ESRRG: variants seen among roughly 807,000 people sequenced by gnomAD.
ESRRG encodes the protein estrogen related receptor gamma, also known as estrogen-related receptor gamma.
Under a neutral mutation model 44.0 loss-of-function variants are expected in ESRRG, and 13 were observed. The ratio of observed to expected loss-of-function variants is 0.30; its 90% CI spans 0.19 to 0.47. ESRRG has a LOEUF of 0.47. ESRRG is among the 20% of genes least tolerant of loss of function. ESRRG has a pLI of 1.00. For synonymous variants in ESRRG, 215 were observed against 214.6 expected, an observed-to-expected ratio of 1.00 and a Z score of -0.02; for missense variants, 395 against 580.6, an observed-to-expected ratio of 0.68 and a Z score of 3.29.
At chr1:217,058,334 G>A (rs549932260) in intron 1 of ESRRG, among the ~76,000 whole-genome samples, 45 of 152,188 alleles carry the variant, frequency 3.0e-4, no homozygotes, top group African/African-American at 1.0e-3. Context: ...AAGTATGAAG[G>A]ACTCAAACAA....
At chr1:217,124,352 T>C (rs1046393450) in intron 1 of ESRRG, among the ~76,000 whole-genome samples, 5 of 152,216 alleles carry the variant, frequency 3.3e-5, no homozygotes, top group African/African-American at 1.2e-4. Flanking sequence ...ATTACTGGGA[T>C]AGTACTATAT....
intron 1 of ESRRG, among the ~76,000 whole-genome samples, chr1:216,948,986 T>A (rs2066522435): frequency 6.6e-6 from 1 of 152,136 alleles, no homozygotes; most frequent in African/African-American, 2.4e-5. Context: ...TCAGCATACT[T>A]TGGGAGAAGG....
intron 1 of ESRRG, among the ~76,000 whole-genome samples, chr1:216,976,348 C>T (rs2072895758): frequency 6.7e-6 from 1 of 148,516 alleles, no homozygotes; most frequent in Admixed American, 6.8e-5. Flanking sequence ...ACTCCTCTTC[C>T]CTCATCCACT....
chr1:216,888,399 A>C (rs1462214984), intron 2 of ESRRG, among the ~76,000 whole-genome samples: 1 of 152,222 alleles, frequency 6.6e-6, no homozygotes, highest in Non-Finnish European at 1.5e-5. Flanking sequence ...TCTAGGAATA[A>C]TTCGCTAAAT....
intron 2 of ESRRG, among the ~76,000 whole-genome samples, chr1:216,934,366 G>A (rs977484819): frequency 5.9e-5 from 9 of 152,076 alleles, no homozygotes; most frequent in African/African-American, 1.2e-4. Flanking sequence ...CTTGGGAGGC[G>A]GAAGTTTCAG....
At chr1:216,638,954 C>T (rs1008628923) in intron 3 of ESRRG, among the ~76,000 whole-genome samples, 2 of 152,148 alleles carry the variant, frequency 1.3e-5, no homozygotes, top group Non-Finnish European at 2.9e-5. Flanking sequence ...GGCATGAATC[C>T]ACGTTCCTTC....
intron 1 of ESRRG, among the ~76,000 whole-genome samples, chr1:217,005,511 T>G (rs2077617901): frequency 1.3e-5 from 2 of 152,108 alleles, no homozygotes; most frequent in Admixed American, 1.3e-4. Context: ...TCTTAGACAC[T>G]TAGGATAATG....
chr1:217,030,403 T>G (rs2081908551), intron 1 of ESRRG, among the ~76,000 whole-genome samples: 1 of 152,164 alleles, frequency 6.6e-6, no homozygotes, highest in Non-Finnish European at 1.5e-5. Flanking sequence ...AAATCATTAA[T>G]CCCACTTTAC....
At chr1:216,821,311 A>C (rs1219537376) in intron 2 of ESRRG, among the ~76,000 whole-genome samples, 1 of 152,092 alleles carries the variant, frequency 6.6e-6, no homozygotes, top group African/African-American at 2.4e-5. Context: ...TTGCTGGGAA[A>C]TATTCTAAAT....
chr1:216,756,969 C>T (rs2092480755), intron 2 of ESRRG, among the ~76,000 whole-genome samples: 1 of 151,842 alleles, frequency 6.6e-6, no homozygotes, highest in African/African-American at 2.4e-5. Flanking sequence ...CACCCATCTC[C>T]CCAAGACCAA....
intron 2 of ESRRG, among the ~76,000 whole-genome samples, chr1:216,891,434 G>A (rs946985190): frequency 1.3e-5 from 2 of 152,204 alleles, no homozygotes; most frequent in East Asian, 1.9e-4. Context: ...GCATGGGGAC[G>A]TGCATATGCA....
chr1:216,648,519 AT>A (rs1356374383), intron 3 of ESRRG, among the ~76,000 whole-genome samples: 1 of 152,210 alleles, frequency 6.6e-6, no homozygotes, highest in African/African-American at 2.4e-5. Flanking sequence ...ACAATGTTTA[AT>A]TAAACACAGT....
chr1:217,131,900 T>G (rs948912750), intron 1 of ESRRG, among the ~76,000 whole-genome samples: 1 of 152,194 alleles, frequency 6.6e-6, no homozygotes, highest in Admixed American at 6.5e-5. Context: ...CTCTTTGCCT[T>G]GAAATGTGTA....
chr1:217,089,080 C>T (rs2092268766), intron 1 of ESRRG, among the ~76,000 whole-genome samples: 1 of 152,010 alleles, frequency 6.6e-6, no homozygotes, highest in Admixed American at 6.6e-5. Flanking sequence ...TCCTCAACTC[C>T]TGGCACCACC....
intron 3 of ESRRG, among the ~76,000 whole-genome samples, chr1:216,644,784 G>C (rs1472898280): frequency 6.6e-6 from 1 of 152,004 alleles, no homozygotes; most frequent in African/African-American, 2.4e-5. Flanking sequence ...TCAAAAATGG[G>C]TATCAATAAA....
intron 2 of ESRRG, among the ~76,000 whole-genome samples, chr1:216,876,297 T>C (rs1294391716): frequency 1.3e-5 from 2 of 152,160 alleles, no homozygotes; most frequent in Admixed American, 6.6e-5. Context: ...TTTTGAAAAG[T>C]TTTAAATAAC....
intron 1 of ESRRG, among the ~76,000 whole-genome samples, chr1:217,087,343 A>G (rs1230362452): frequency 5.3e-5 from 8 of 152,240 alleles, no homozygotes; most frequent in Non-Finnish European, 8.8e-5. Context: ...ACTCAAAATG[A>G]AAGCTGAAAT....
Position 216,677,268 on chromosome 1 carries a change from T to C in ESRRG, c.280A>G (p.Ser94Gly), listed in dbSNP as rs769959488. The change falls in exon 2 of 7, where the codon AGT becomes GGT. Residue 94 changes from serine to glycine, a missense_variant. Coordinates refer to ENST00000408911, the MANE Select transcript of ESRRG (RefSeq NM_001438.4). ...TCATACAGTTTCCTGACAGGCCCAC[T>C]ACCTCCCAGGATAGGAGCAGAAGGG... is the stretch of plus-strand genomic sequence containing the variant. ...LYPSAPILGG[S>G]GPVRKLYDDC... 1.9e-6 allele frequency: 3 copies of C among 1,614,092 alleles called. No homozygotes were observed. The highest frequency in any genetic ancestry group is 2.5e-6 in the Non-Finnish European group (3 of 1,179,996).
At chr1:216,785,304 A>G (rs1225250892) in intron 2 of ESRRG, among the ~76,000 whole-genome samples, 1 of 152,100 alleles carries the variant, frequency 6.6e-6, no homozygotes, top group African/African-American at 2.4e-5. Context: ...AAAAGTTACT[A>G]TTGGGCAATG....
Sources: allele counts gnomAD v4.1 joint callset (sites outside exome capture counted in the v4.1 genomes callset), GRCh38; gene constraint gnomAD v4.1.1; transcripts MANE v1.5; gene names NCBI Gene and HGNC (gene_info 2026-07-23, HGNC 2026-07-21).